The following JAZF1 variants were observed in gnomAD, a reference collection of about 807,000 sequenced individuals.
JAZF1 encodes the protein JAZF zinc finger 1, also known as juxtaposed with another zinc finger protein 1.
A neutral mutation model predicts 26.4 loss-of-function variants in JAZF1; 8 were observed. The ratio of observed to expected loss-of-function variants is 0.30; its 90% CI spans 0.18 to 0.55. The LOEUF is 0.55. JAZF1 is among the 20% of genes least tolerant of loss of function. JAZF1 has a pLI of 0.94. For missense variants in JAZF1, 199 were observed against 322.0 expected (o/e 0.62, Z 2.92); for synonymous variants, 126 against 122.3 (o/e 1.03, Z -0.20).
At chr7:28,054,295 T>C (rs2128380838) in intron 1 of JAZF1, among the ~76,000 whole-genome samples, 1 of 152,332 alleles carries the variant, frequency 6.6e-6, no homozygotes, top group South Asian at 2.1e-4. Context: ...GTTGAAGAGA[T>C]ACAACTTAAA....
Position 28,180,619 on chromosome 7 carries a change from G to T in JAZF1, c.-42C>A. 1.3e-6 allele frequency: 2 copies of T among 1,534,650 alleles called. No individual in the cohort carries two copies. Among genetic ancestry groups the T allele is most frequent in the Admixed American group, 1.7e-5 (1 of 57,716 alleles). Reference sequence around the variant, plus strand: ...CCCCCCTGGTGTCGGCTCTGCGAGCGCCGGGCGGGCGAGGGAGGGAGGGAG... The same window carrying T: ...CCCCCCTGGTGTCGGCTCTGCGAGCTCCGGGCGGGCGAGGGAGGGAGGGAG... On this transcript the variant is annotated 5_prime_UTR_variant, in exon 1 of 5. Transcript: ENST00000283928.
intron 1 of JAZF1, among the ~76,000 whole-genome samples, chr7:28,081,076 G>A (rs550947058): frequency 7.2e-5 from 11 of 152,246 alleles, no homozygotes; most frequent in Non-Finnish European, 8.8e-5. Flanking sequence ...AGAAAACCTC[G>A]TGGGGACCAG....
intron 1 of JAZF1, among the ~76,000 whole-genome samples, chr7:28,012,411 G>T (rs146706440): frequency 5.3e-4 from 80 of 152,104 alleles, no homozygotes; most frequent in African/African-American, 1.9e-3. Context: ...TCATGAAGAA[G>T]AAATTAAGTA....
intron 1 of JAZF1, among the ~76,000 whole-genome samples, chr7:28,113,871 G>C (rs575845449): frequency 6.6e-6 from 1 of 152,084 alleles, no homozygotes; most frequent in African/African-American, 2.4e-5. Flanking sequence ...GAAAATATCC[G>C]GATCTCTATA....
At chr7:28,046,442 T>A (rs1783497588) in intron 1 of JAZF1, among the ~76,000 whole-genome samples, 1 of 152,242 alleles carries the variant, frequency 6.6e-6, no homozygotes. Flanking sequence ...TTATTTAATC[T>A]GTTCCCTTAC....
intron 3 of JAZF1, among the ~76,000 whole-genome samples, chr7:27,894,677 C>G (rs1784029292): frequency 6.6e-6 from 1 of 152,050 alleles, no homozygotes; most frequent in Non-Finnish European, 1.5e-5. Flanking sequence ...TATAAAGAAG[C>G]AAATGAAAAA....
At chr7:28,134,030 TC>T (rs558357078) in intron 1 of JAZF1, among the ~76,000 whole-genome samples, 230 of 152,294 alleles carry the variant, frequency 1.5e-3, no homozygotes, top group Admixed American at 4.1e-3. Context: ...GCATCTGTCT[TC>T]CATACTACAA....
chr7:28,148,230 C>T (rs1474226550), intron 1 of JAZF1, among the ~76,000 whole-genome samples: 1 of 152,040 alleles, frequency 6.6e-6, no homozygotes, highest in Non-Finnish European at 1.5e-5. Flanking sequence ...ACCACTACAC[C>T]CAGTTAATTT....
intron 2 of JAZF1, 37 bp downstream of exon 2, chr7:27,991,872 T>C (rs368100372): frequency 5.6e-6 from 6 of 1,063,298 alleles, no homozygotes; most frequent in Non-Finnish European, 8.6e-6. Context: ...AAGCAGCAGA[T>C]ATAAGGTTGT....
intron 1 of JAZF1, among the ~76,000 whole-genome samples, chr7:28,075,446 C>T (rs1172375418): frequency 6.6e-6 from 1 of 152,110 alleles, no homozygotes; most frequent in Non-Finnish European, 1.5e-5. Flanking sequence ...TTAAAATACA[C>T]ACATACAGAG....
At chr7:28,124,458 AC>A (rs1782665444) in intron 1 of JAZF1, among the ~76,000 whole-genome samples, 1 of 151,994 alleles carries the variant, frequency 6.6e-6, no homozygotes, top group Non-Finnish European at 1.5e-5. Flanking sequence ...CTGCTGCCCA[AC>A]CCACTCTTCA....
intron 1 of JAZF1, among the ~76,000 whole-genome samples, chr7:28,167,267 A>G (rs1292585104): frequency 6.6e-6 from 1 of 152,218 alleles, no homozygotes; most frequent in Non-Finnish European, 1.5e-5. Context: ...GCCTCCTGCA[A>G]AAGACAAGGA....
intron 3 of JAZF1, among the ~76,000 whole-genome samples, chr7:27,890,257 G>T (rs1261144610): frequency 6.6e-6 from 1 of 152,166 alleles, no homozygotes; most frequent in East Asian, 1.9e-4. Context: ...TGATTTCAAG[G>T]TAACAGTTTA....
At chr7:28,133,881 C>T (rs1052425768) in intron 1 of JAZF1, among the ~76,000 whole-genome samples, 5 of 152,216 alleles carry the variant, frequency 3.3e-5, no homozygotes, top group Non-Finnish European at 5.9e-5. Flanking sequence ...TTCCCTGACC[C>T]TAACCAATGT....
intron 2 of JAZF1, among the ~76,000 whole-genome samples, chr7:27,927,245 C>T (rs1212147865): frequency 1.3e-5 from 2 of 152,196 alleles, no homozygotes; most frequent in African/African-American, 4.8e-5. Context: ...TGGGAGTCCC[C>T]TGTGGAGCCC....
intron 3 of JAZF1, among the ~76,000 whole-genome samples, chr7:27,892,403 T>C (rs1189266725): frequency 1.3e-5 from 2 of 152,234 alleles, no homozygotes; most frequent in Non-Finnish European, 2.9e-5. Flanking sequence ...AATGATTCCA[T>C]TTCTTCCAAA....
intron 2 of JAZF1, among the ~76,000 whole-genome samples, chr7:27,989,724 C>T (rs1424198494): frequency 6.6e-6 from 1 of 152,162 alleles, no homozygotes; most frequent in African/African-American, 2.4e-5. Context: ...CAAATCAAAA[C>T]CACAATGAGG....
At chr7:28,035,313 C>CAAAGAAA (rs1783268753) in intron 1 of JAZF1, among the ~76,000 whole-genome samples, 1 of 27,470 alleles carries the variant, frequency 3.6e-5, no homozygotes, top group African/African-American at 1.6e-4. Context: ...GACTCCATCT[C>CAAAGAAA]AAAAAAAAAA....
rs1176622804 is a variant in JAZF1, at chr7:28,147,151, T to A, written c.115+33312A>T. On this transcript the variant is annotated intron_variant, in intron 1 of 4. Coordinates refer to ENST00000283928, the MANE Select transcript of JAZF1 (RefSeq NM_175061.4). The stretch of plus-strand genomic sequence containing the variant: ...ATGAGCCAGTGCACCTGGCCCAGAA[T>A]TCTGATTTTTTTTGGCGTTTGGGAT... 3.2e-5 allele frequency among the ~76,000 whole-genome samples: 4 copies of A among 125,840 alleles called. No homozygotes were observed. In the Admixed American group the frequency reaches 3.2e-4, roughly 10 times the overall value. 82.6% of individuals were successfully genotyped at this position (125,840 alleles called of 152,430 possible).
Sources: allele counts gnomAD v4.1 joint callset (sites outside exome capture counted in the v4.1 genomes callset), GRCh38; gene constraint gnomAD v4.1.1; transcripts MANE v1.5; gene names NCBI Gene and HGNC (gene_info 2026-07-23, HGNC 2026-07-21).